The following HMGCS2 variants were observed in gnomAD, a reference collection of about 807,000 sequenced individuals.
The protein encoded by HMGCS2 is 3-hydroxy-3-methylglutaryl-CoA synthase 2.
HMGCS2 carries 50 observed loss-of-function variants against 57.4 expected under a neutral mutation model. The observed-to-expected ratio is 0.87, with a 90% CI of 0.69 to 1.10. The LOEUF (loss-of-function observed/expected upper bound fraction) is 1.10. HMGCS2 is among the 50% of genes least tolerant of loss of function. The pLI is 0.00. For missense variants in HMGCS2, 627 were observed against 636.5 expected, an observed-to-expected ratio of 0.99 and a Z score of 0.16; for synonymous variants, 254 against 245.1, an observed-to-expected ratio of 1.04 and a Z score of -0.34.
rs587677809 is a variant in HMGCS2 at position 119,759,148 on chromosome 1, G to A, written c.820C>T (p.Arg274Cys). The change falls in exon 4 of 10, where the codon CGT (arginine) becomes TGT (cysteine). Residue 274 changes from arginine to cysteine, a missense_variant. Transcript: ENST00000369406. ...RALDRCYTSY[R>C]KKIQNQWKQA... ...TTCCACTGATTCTGGATTTTTTTAC[G>A]GTATGATGTGTAACATCGATCCAAG... 55 of 1,613,966 alleles carry A rather than the reference G, an allele frequency of 3.4e-5. No individual in the cohort carries two copies. Among genetic ancestry groups the A allele is most frequent in the Middle Eastern group, 1.7e-4 (1 of 6,060 alleles).
At chr1:119,761,809 A>T (rs1365283792) in intron 2 of HMGCS2, among the ~76,000 whole-genome samples, 3 of 152,050 alleles carry the variant, frequency 2.0e-5, no homozygotes, top group African/African-American at 7.2e-5. Flanking sequence ...GCTATATAAT[A>T]AAAAAAGGCC....
chr1:119,755,886 AGTGT>A (rs34414617), intron 5 of HMGCS2, among the ~76,000 whole-genome samples: 2 of 151,118 alleles, frequency 1.3e-5, no homozygotes, highest in African/African-American at 2.5e-5. Context: ...TTCTTAACTT[AGTGT>A]GTGTGTGTAT....
At chr1:119,750,729 T>TCCCCAC in intron 9 of HMGCS2, 68 bp downstream of exon 9, 1 of 986,588 alleles carries the variant, frequency 1.0e-6, no homozygotes, top group Non-Finnish European at 1.6e-6. Context: ...CCACCTTCTC[T>TCCCCAC]CTCTGTGTTG....
intron 8 of HMGCS2, among the ~76,000 whole-genome samples, chr1:119,751,846 A>C (rs1652670890): frequency 6.6e-6 from 1 of 152,260 alleles, no homozygotes; most frequent in Non-Finnish European, 1.5e-5. Context: ...GCTGCAAAAC[A>C]ACATGCATCC....
At position 119,757,220 on chromosome 1, in the gene HMGCS2, T is replaced by C. The variant is rs587645224; in HGVS notation, c.1016+53A>G. The C allele has an allele frequency of 1.7e-5, 27 of 1,613,184 alleles. No homozygotes were observed. The East Asian group carries it at 5.1e-4, about 31-fold the overall frequency. On this transcript the variant is annotated intron_variant, in intron 5 of 9. Transcript: ENST00000369406. ...TCTAGACTTAAGGCATGAAGAAGCC[T>C]CCTTCTTGCTCACACCTCACCAGCC... is the stretch of plus-strand genomic sequence containing the variant.
chr1:119,757,400 A>T lies in HMGCS2; in HGVS notation c.889T>A (p.Tyr297Asn), dbSNP rs768535206. The change falls in exon 5 of 10, where the codon TAC becomes AAC. Residue 297 changes from tyrosine (Y) to asparagine (N), a missense_variant. Coordinates refer to ENST00000369406, the MANE Select transcript of HMGCS2 (RefSeq NM_005518.4). ...DRPFTLDDLQ[Y>N]MIFHTPFCKM... ...CAAAAGGGTGTATGAAAGATCATGT[A>T]CTGTAAATCGTCAAGGGTGAAGGGT... The T allele has an allele frequency of 6.2e-7, 1 of 1,614,142 alleles. No individual in the cohort carries two copies. The highest frequency in any genetic ancestry group is 1.3e-5 in the African/African-American group (1 of 75,030).
chr1:119,749,396 C>G (rs61423140), intron 9 of HMGCS2, among the ~76,000 whole-genome samples: 52 of 135,016 alleles, frequency 3.9e-4, no homozygotes, highest in Non-Finnish European at 7.1e-4. Flanking sequence ...CCCTTTCCCC[C>G]CTCCCTCCCT....
rs377651850 is a variant in HMGCS2 at position 119,764,164 on chromosome 1, G to A, written c.559+8C>T. 140 of 1,611,650 alleles carry A rather than the reference G, an allele frequency of 8.7e-5. 2 individuals are homozygous for A. Among genetic ancestry groups the A allele is most frequent in the South Asian group, 2.9e-4 (26 of 90,996 alleles). On this transcript the variant is annotated splice_region_variant and intron_variant, in intron 2 of 9. Coordinates refer to ENST00000369406, the MANE Select transcript of HMGCS2 (RefSeq NM_005518.4). ...CCTTTCTTACATAAGGTTCGTGGCC[G>A]TACATACCATCCCAGGAACTGGACT...
At chr1:119,752,709 C>A (rs185197482) in intron 7 of HMGCS2, 35 bp from the exon 8 acceptor site, 1 of 1,612,942 alleles carries the variant, frequency 6.2e-7, no homozygotes, top group East Asian at 2.2e-5. Context: ...ACACCTTTTT[C>A]ATTGTCATTA....
chr1:119,755,892 T>C (rs1652822342), intron 5 of HMGCS2, among the ~76,000 whole-genome samples: 1 of 84,722 alleles, frequency 1.2e-5, no homozygotes, highest in South Asian at 6.0e-4. Flanking sequence ...ACTTAGTGTG[T>C]GTGTGTATAT....
rs587768670 is a variant in HMGCS2 at position 119,753,177 on chromosome 1, C to T, written c.1294+103G>A. 1.9e-4 allele frequency: 141 copies of T among 754,028 alleles called. No homozygotes were observed. In the African/African-American group the frequency reaches 2.0e-3, roughly 10 times the overall value. 46.7% of individuals were successfully genotyped at this position (754,028 alleles called of 1,614,324 possible). A position where few individuals can be genotyped will look rare whatever the true frequency, so the allele number is the denominator to read the frequency against. ...TGATTTACTTTGCTATTAATAATAA[C>T]GTAACTCTGTCAAGATGGCAGCCTC... On this transcript the variant is annotated intron_variant, in intron 7 of 9. Transcript: ENST00000369406.
chr1:119,764,172 C>A lies in HMGCS2; in HGVS notation c.559G>T (p.Gly187Cys), dbSNP rs1420066501. 1.2e-6 allele frequency: 2 copies of A among 1,612,698 alleles called. No homozygotes were observed. The highest frequency in any genetic ancestry group is 2.7e-5 in the African/African-American group (2 of 74,876). Residue 187 changes from glycine (G) to cysteine (C), a missense_variant and splice_region_variant, in exon 2 of 10, where the codon GGT (glycine) becomes TGT (cysteine). Coordinates refer to ENST00000369406, the MANE Select transcript of HMGCS2 (RefSeq NM_005518.4). ...ACATAAGGTTCGTGGCCGTACATAC[C>A]ATCCCAGGAACTGGACTCCATCCAG... The part of the protein sequence containing the change: ...ANWMESSSWD[G>C]RYAMVVCGDI...
chr1:119,752,700 C>A (rs762119357), intron 7 of HMGCS2, 26 bp from the exon 8 acceptor site: 12 of 1,613,650 alleles, frequency 7.4e-6, no homozygotes, highest in Non-Finnish European at 9.3e-6. Context: ...AAGATTGTTA[C>A]ACCTTTTTCA....
At chr1:119,764,760 T>C (rs1013902225) in intron 1 of HMGCS2, 134 bp from the exon 2 acceptor site, 7 of 726,626 alleles carry the variant, frequency 9.6e-6, no homozygotes, top group African/African-American at 7.0e-5. Flanking sequence ...AAATTTAGTA[T>C]TGTTATTATC....
intron 5 of HMGCS2, among the ~76,000 whole-genome samples, chr1:119,756,912 C>T (rs1166898851): frequency 3.3e-5 from 5 of 152,098 alleles, no homozygotes; most frequent in African/African-American, 2.4e-5. Flanking sequence ...GAGGTTAATA[C>T]GATGTCTAGC....
At chr1:119,764,024 G>A in intron 2 of HMGCS2, 148 bp downstream of exon 2, 1 of 709,384 alleles carries the variant, frequency 1.4e-6, no homozygotes, top group Admixed American at 2.0e-5. Context: ...AGTCTAAGTG[G>A]TTATTGTGGG....
chr1:119,759,236 T>A lies in HMGCS2; in HGVS notation c.732A>T (p.Pro244=), dbSNP rs1469399815. The part of the protein sequence containing the change: ...HMENVYDFYK[P]NLASEYPIVD... The stretch of plus-strand genomic sequence containing the variant: ...CTATTGGGTACTCCGAGGCCAAATT[T>A]GGTTTGTAGAAGTCATACACATTCT... Residue 244 remains proline, a synonymous_variant, in exon 4 of 10, where the codon CCA becomes CCT. Transcript: ENST00000369406. The A allele has an allele frequency of 9.3e-6, 15 of 1,614,088 alleles. No individual in the cohort carries two copies. The highest frequency in any genetic ancestry group is 1.3e-5 in the Non-Finnish European group (15 of 1,179,962).
rs668156 is a variant in HMGCS2, at chr1:119,750,945, G to A, written c.1421-37C>T. Reference sequence around the variant, plus strand: ...GGAGAAGAGGCAGTACTCACAAAGAGTTATATGAGTTTTTGGAAGAGAAAA... The same window carrying A: ...GGAGAAGAGGCAGTACTCACAAAGAATTATATGAGTTTTTGGAAGAGAAAA... On this transcript the variant is annotated intron_variant, in intron 8 of 9. Coordinates refer to ENST00000369406, the MANE Select transcript of HMGCS2 (RefSeq NM_005518.4). 0.14 allele frequency: 178,831 copies of A among 1,235,618 alleles called. 13,846 individuals are homozygous for A. Among genetic ancestry groups the A allele is most frequent in the Middle Eastern group, 0.25 (1,333 of 5,344 alleles). The allele number at this position is 1,235,618 out of a possible 1,614,324, so 76.5% of individuals were successfully genotyped here.
intron 1 of HMGCS2, among the ~76,000 whole-genome samples, chr1:119,764,875 C>CTT (rs1653166841): frequency 6.6e-6 from 1 of 152,118 alleles, no homozygotes; most frequent in African/African-American, 2.4e-5. Context: ...GCTACACTAG[C>CTT]TTTTTGCTTA....
Sources: allele counts gnomAD v4.1 joint callset (sites outside exome capture counted in the v4.1 genomes callset), GRCh38; gene constraint gnomAD v4.1.1; transcripts MANE v1.5; gene names NCBI Gene and HGNC (gene_info 2026-07-23, HGNC 2026-07-21).